The following EFCAB6 variants were observed in gnomAD, a reference collection of about 807,000 sequenced individuals.
EFCAB6 encodes EF-hand calcium binding domain 6.
Under a neutral mutation model 169.8 loss-of-function variants are expected in EFCAB6, and 156 were observed. The ratio of observed to expected loss-of-function variants is 0.92; its 90% CI spans 0.81 to 1.05. EFCAB6 has a LOEUF of 1.05. EFCAB6 is among the 50% of genes least tolerant of loss of function. The pLI, the probability that EFCAB6 is intolerant of heterozygous loss-of-function variation, is 0.00. For synonymous variants in EFCAB6, 698 were observed against 676.4 expected (o/e 1.03, Z -0.50); for missense variants, 1,800 against 1,829.1 (o/e 0.98, Z 0.29).
intron 2 of EFCAB6, among the ~76,000 whole-genome samples, chr22:43,805,476 C>T (rs2062885545): frequency 6.6e-6 from 1 of 152,174 alleles, no homozygotes; most frequent in Non-Finnish European, 1.5e-5. Context: ...TGCATGTTCT[C>T]ACTCATATGG....
chr22:43,603,697 T>G (rs2052699973), intron 22 of EFCAB6, among the ~76,000 whole-genome samples: 1 of 152,266 alleles, frequency 6.6e-6, no homozygotes, highest in African/African-American at 2.4e-5. Flanking sequence ...GTATAAGCCC[T>G]GCTGATGGCC....
At chr22:43,645,852 T>TA (rs571644573) in intron 17 of EFCAB6, among the ~76,000 whole-genome samples, 5,813 of 116,620 alleles carry the variant, frequency 0.05, 148 homozygotes, top group Non-Finnish European at 0.065. Flanking sequence ...ATTTTAAAAC[T>TA]AAAAAAAAAA....
intron 17 of EFCAB6, among the ~76,000 whole-genome samples, chr22:43,641,849 G>C (rs1481453696): frequency 6.6e-6 from 1 of 152,170 alleles, no homozygotes; most frequent in African/African-American, 2.4e-5. Flanking sequence ...GAAAATATCA[G>C]TTAAGGGGAG....
chr22:43,543,069 C>T (rs1375850988), intron 27 of EFCAB6, among the ~76,000 whole-genome samples: 2 of 152,132 alleles, frequency 1.3e-5, no homozygotes, highest in Non-Finnish European at 2.9e-5. Flanking sequence ...ACAAGCCAGG[C>T]AACCTGCAGC....
At chr22:43,806,081 G>A (rs112409733) in intron 2 of EFCAB6, among the ~76,000 whole-genome samples, 12,091 of 150,756 alleles carry the variant, frequency 0.08, 641 homozygotes, top group South Asian at 0.2. Context: ...TACAAGAATC[G>A]CTTGAACCCA....
chr22:43,636,092 G>A (rs911938322), intron 17 of EFCAB6, among the ~76,000 whole-genome samples: 2 of 152,186 alleles, frequency 1.3e-5, no homozygotes, highest in South Asian at 2.1e-4. Context: ...AGTTCTAAAT[G>A]CATCTATGGG....
At chr22:43,602,827 G>T (rs367622698) in intron 22 of EFCAB6, among the ~76,000 whole-genome samples, 142 of 152,132 alleles carry the variant, frequency 9.3e-4, no homozygotes, top group Non-Finnish European at 1.5e-3. Context: ...GGACCCGACG[G>T]GTTAGTGCAT....
intron 15 of EFCAB6, 98 bp from the exon 16 acceptor site, chr22:43,669,143 C>T: frequency 9.5e-7 from 1 of 1,052,886 alleles, no homozygotes; most frequent in Non-Finnish European, 1.3e-6. Flanking sequence ...GTAACTACAA[C>T]TTTCATCCAC....
chr22:43,611,507 T>A (rs2053297790), intron 21 of EFCAB6, among the ~76,000 whole-genome samples: 1 of 152,170 alleles, frequency 6.6e-6, no homozygotes, highest in African/African-American at 2.4e-5. Context: ...GTTTTTAAAT[T>A]CATATGGGAC....
At chr22:43,561,051 T>A (rs180756033) in intron 26 of EFCAB6, among the ~76,000 whole-genome samples, 1 of 152,200 alleles carries the variant, frequency 6.6e-6, no homozygotes, top group Admixed American at 6.5e-5. Flanking sequence ...TATTGCGTGT[T>A]CACTATAGAA....
intron 27 of EFCAB6, among the ~76,000 whole-genome samples, chr22:43,540,953 C>T (rs2047679291): frequency 6.7e-6 from 1 of 148,622 alleles, no homozygotes; most frequent in South Asian, 2.2e-4. Flanking sequence ...GTATCAAAAC[C>T]ACACACCATG....
intron 17 of EFCAB6, among the ~76,000 whole-genome samples, chr22:43,648,370 C>T (rs1200155925): frequency 6.6e-6 from 1 of 152,100 alleles, no homozygotes; most frequent in Non-Finnish European, 1.5e-5. Context: ...TGGAATACTA[C>T]ACTGCCATAA....
intron 2 of EFCAB6, among the ~76,000 whole-genome samples, chr22:43,787,364 A>G (rs1000568214): frequency 6.6e-6 from 1 of 151,746 alleles, no homozygotes; most frequent in Non-Finnish European, 1.5e-5. Flanking sequence ...ACACACACAC[A>G]CACACACACA....
intron 27 of EFCAB6, among the ~76,000 whole-genome samples, chr22:43,548,425 A>C (rs1176089312): frequency 6.6e-6 from 1 of 150,522 alleles, no homozygotes; most frequent in Non-Finnish European, 1.5e-5. Flanking sequence ...CTGTAATCCC[A>C]GCTACTTGGG....
At chr22:43,674,159 T>C (rs1269131765) in intron 13 of EFCAB6, among the ~76,000 whole-genome samples, 1 of 152,210 alleles carries the variant, frequency 6.6e-6, no homozygotes, top group African/African-American at 2.4e-5. Context: ...TTTGGAAGAA[T>C]ATACAGCAAA....
rs114468015 is a variant in EFCAB6 at position 43,718,476 on chromosome 22, A to C, written c.758-1504T>G. On this transcript the variant is annotated intron_variant, in intron 8 of 31. Coordinates refer to ENST00000262726, the MANE Select transcript of EFCAB6 (RefSeq NM_022785.4). ...CCTCTGGGCTATATAATAAAAGACA[A>C]AGTTGGTCTTTAGAACTTGGTCATG... is the stretch of plus-strand genomic sequence containing the variant. 4.9e-3 allele frequency among the ~76,000 whole-genome samples: 750 copies of C among 152,296 alleles called. 4 individuals carry two copies. The highest frequency in any genetic ancestry group is 0.017 in the African/African-American group (712 of 41,572).
chr22:43,543,787 G>A (rs2047885533), intron 27 of EFCAB6, among the ~76,000 whole-genome samples: 1 of 152,122 alleles, frequency 6.6e-6, no homozygotes. Context: ...AGCAAGAGAG[G>A]GAAAGGGACC....
At position 43,716,922 on chromosome 22, in the gene EFCAB6, G is replaced by C. The variant is rs775280175; in HGVS notation, c.808C>G (p.Leu270Val). The C allele has an allele frequency of 6.3e-7, 1 of 1,581,712 alleles. No individual in the cohort carries two copies. Among genetic ancestry groups the C allele is most frequent in the South Asian group, 1.2e-5 (1 of 82,958 alleles). ...ATATCTTCAGATGATGCAGAACCTA[G>C]CAAACGTTCCTTTTTGGAATTTTTG... ...QAKNSKKERL[L>V]GSASSEDIWR... The change falls in exon 9 of 32, where the codon CTA becomes GTA. Residue 270 changes from leucine (L) to valine (V), a missense_variant. Physicochemically the swap from Leu to Val is conservative, Grantham distance 32 (BLOSUM62 1). Coordinates refer to ENST00000262726, the MANE Select transcript of EFCAB6 (RefSeq NM_022785.4).
At chr22:43,709,462 G>A (rs2059079901) in intron 10 of EFCAB6, among the ~76,000 whole-genome samples, 3 of 152,150 alleles carry the variant, frequency 2.0e-5, no homozygotes, top group African/African-American at 7.2e-5. Flanking sequence ...GACATTGTAT[G>A]CATTCATTAC....
Sources: allele counts gnomAD v4.1 joint callset (sites outside exome capture counted in the v4.1 genomes callset), GRCh38; gene constraint gnomAD v4.1.1; transcripts MANE v1.5; gene names NCBI Gene and HGNC (gene_info 2026-07-23, HGNC 2026-07-21).